NUP93: variants seen among roughly 807,000 people sequenced by gnomAD.
The protein encoded by NUP93 is nuclear pore complex protein Nup93.
In NUP93, 55 loss-of-function variants were observed where a neutral mutation model predicts 107.8. The observed-to-expected ratio is 0.51, with a 90% CI of 0.41 to 0.64. NUP93 has a LOEUF of 0.64. NUP93 is among the 30% of genes least tolerant of loss of function. The probability of loss-of-function intolerance (pLI) is 0.00; values close to 1 mark genes in which losing one functional copy is unlikely to be tolerated. For synonymous variants in NUP93, 390 were observed against 397.5 expected, an observed-to-expected ratio of 0.98 and a Z score of 0.22; for missense variants, 937 against 1,044.7, an observed-to-expected ratio of 0.90 and a Z score of 1.42.
intron 3 of NUP93, among the ~76,000 whole-genome samples, chr16:56,773,009 C>T (rs1962350627): frequency 6.6e-6 from 1 of 152,210 alleles, no homozygotes; most frequent in African/African-American, 2.4e-5. Context: ...CATGAGGAAG[C>T]TTCCATAAAA....
At chr16:56,832,696 G>A (rs543787849) in intron 12 of NUP93, among the ~76,000 whole-genome samples, 16 of 152,262 alleles carry the variant, frequency 1.1e-4, no homozygotes, top group African/African-American at 3.1e-4. Context: ...CTAGTCGATC[G>A]TACCAGTCAC....
chr16:56,738,945 CTTTTTT>C (rs35518694), intron 1 of NUP93, among the ~76,000 whole-genome samples: 10 of 131,842 alleles, frequency 7.6e-5, no homozygotes, highest in African/African-American at 1.4e-4. Context: ...TGCTAAATTT[CTTTTTT>C]TTTTTTTTTT....
intron 1 of NUP93, among the ~76,000 whole-genome samples, chr16:56,742,039 G>C (rs1256448148): frequency 5.3e-5 from 8 of 152,158 alleles, no homozygotes; most frequent in African/African-American, 1.9e-4. Flanking sequence ...TGTTTGGATT[G>C]TGGGTGATAA....
intron 3 of NUP93, among the ~76,000 whole-genome samples, chr16:56,793,926 GCCTGTAGTC>G (rs1319855738): frequency 2.0e-5 from 3 of 151,966 alleles, no homozygotes; most frequent in Non-Finnish European, 4.4e-5. Flanking sequence ...GGTGGCGTGT[GCCTGTAGTC>G]CCAGCTACTC....
intron 5 of NUP93, among the ~76,000 whole-genome samples, chr16:56,817,972 TA>T (rs776339729): frequency 6.6e-6 from 1 of 152,228 alleles, no homozygotes; most frequent in Non-Finnish European, 1.5e-5. Flanking sequence ...ATCCTATTTT[TA>T]AGTAATATAT....
At chr16:56,743,353 A>G (rs1249981728) in intron 1 of NUP93, among the ~76,000 whole-genome samples, 3 of 152,218 alleles carry the variant, frequency 2.0e-5, no homozygotes, top group Non-Finnish European at 4.4e-5. Context: ...AACGCAGACC[A>G]GCATGAGGAA....
chr16:56,828,039 G>C (rs1295375718), intron 8 of NUP93, among the ~76,000 whole-genome samples: 4 of 151,992 alleles, frequency 2.6e-5, no homozygotes, highest in Admixed American at 6.6e-5. Context: ...AGAAATGCTT[G>C]AAAACCCAGG....
intron 6 of NUP93, among the ~76,000 whole-genome samples, chr16:56,821,025 C>G (rs573292633): frequency 2.0e-5 from 3 of 152,276 alleles, no homozygotes; most frequent in South Asian, 4.2e-4. Flanking sequence ...GAGATTCTTT[C>G]CAGGAGAAAT....
At chr16:56,834,552 G>A (rs1410636724) in intron 15 of NUP93, 110 bp downstream of exon 15, 1 of 1,198,510 alleles carries the variant, frequency 8.3e-7, no homozygotes, top group African/African-American at 1.5e-5. Flanking sequence ...AAGGCCTAGG[G>A]AGTTTTTGGA....
chr16:56,793,996 A>G (rs1348708194), intron 3 of NUP93, among the ~76,000 whole-genome samples: 1 of 152,036 alleles, frequency 6.6e-6, no homozygotes, highest in Non-Finnish European at 1.5e-5. Flanking sequence ...GTGGAGGTGC[A>G]GTGAGCCGAG....
chr16:56,745,861 TTAAAG>T, intron 1 of NUP93, among the ~76,000 whole-genome samples: 1 of 152,358 alleles, frequency 6.6e-6, no homozygotes, highest in African/African-American at 2.4e-5. Context: ...TTAGACCATG[TTAAAG>T]TAAATGACTG....
chr16:56,755,119 A>G (rs965262317), intron 2 of NUP93, among the ~76,000 whole-genome samples: 4 of 152,180 alleles, frequency 2.6e-5, no homozygotes, highest in Admixed American at 6.5e-5. Flanking sequence ...TGACCCAGCA[A>G]TTCCACTCAT....
At chr16:56,767,939 T>A (rs1962243575) in intron 3 of NUP93, among the ~76,000 whole-genome samples, 1 of 152,232 alleles carries the variant, frequency 6.6e-6, no homozygotes, top group Non-Finnish European at 1.5e-5. Context: ...AACCAGTTTT[T>A]TTCTTCACTT....
chr16:56,807,098 T>C (rs1006964693), intron 5 of NUP93, among the ~76,000 whole-genome samples: 5 of 152,156 alleles, frequency 3.3e-5, no homozygotes, highest in African/African-American at 1.2e-4. Flanking sequence ...TCTTGTTGCC[T>C]CTCCAAGCTC....
chr16:56,816,613 C>T (rs1375786783), intron 5 of NUP93, among the ~76,000 whole-genome samples: 1 of 152,194 alleles, frequency 6.6e-6, no homozygotes, highest in Non-Finnish European at 1.5e-5. Flanking sequence ...ACCCTCCAAT[C>T]AGTAAAAGCA....
intron 3 of NUP93, among the ~76,000 whole-genome samples, chr16:56,775,423 T>C (rs1962398560): frequency 6.6e-6 from 1 of 152,226 alleles, no homozygotes; most frequent in Non-Finnish European, 1.5e-5. Flanking sequence ...TTAAGCACTT[T>C]AAGTGGATAT....
intron 1 of NUP93, among the ~76,000 whole-genome samples, chr16:56,744,532 T>C (rs2144449409): frequency 6.6e-6 from 1 of 152,356 alleles, no homozygotes; most frequent in South Asian, 2.1e-4. Context: ...TTTCTACTGA[T>C]TGAGTAATAA....
intron 21 of NUP93, 80 bp from the exon 22 acceptor site, chr16:56,844,397 GTAGAGGATGGAAGAACATGGAA>G (rs1302328630): frequency 6.5e-5 from 37 of 572,186 alleles, no homozygotes; most frequent in Non-Finnish European, 9.5e-5. Context: ...ACACGCTGGG[GTAGAGGATGGAAGAACATGGAA>G]TAGAGGATGG....
In NUP93 at chr16:56,839,561, G is replaced by C; in HGVS notation, c.2177G>C (p.Ser726Thr). ...RLKLVPLNQE[S>T]VEERVAAFRN... Reference sequence around the variant, plus strand: ...AAGCTGGTGCCCCTGAATCAGGAAAGTGTGGAAGAGAGAGTGGCTGCCTTC... The same window carrying C: ...AAGCTGGTGCCCCTGAATCAGGAAACTGTGGAAGAGAGAGTGGCTGCCTTC... The change falls in exon 20 of 22, where the codon AGT becomes ACT. Residue 726 changes from serine to threonine, a missense_variant. Coordinates refer to ENST00000308159, the MANE Select transcript of NUP93 (RefSeq NM_014669.5). 1.2e-6 allele frequency: 2 copies of C among 1,614,012 alleles called. No individual in the cohort carries two copies. Among genetic ancestry groups the C allele is most frequent in the Non-Finnish European group, 1.7e-6 (2 of 1,179,988 alleles).
Sources: allele counts gnomAD v4.1 joint callset (sites outside exome capture counted in the v4.1 genomes callset), GRCh38; gene constraint gnomAD v4.1.1; transcripts MANE v1.5; gene names NCBI Gene and HGNC (gene_info 2026-07-23, HGNC 2026-07-21).